SLC44A5: variants seen among roughly 807,000 people sequenced by gnomAD.
SLC44A5 encodes choline transporter-like protein 5.
In SLC44A5, 57 loss-of-function variants were observed where a neutral mutation model predicts 101.8. That is an observed-to-expected ratio of 0.56 (90% CI 0.45 to 0.70). The LOEUF (loss-of-function observed/expected upper bound fraction) is 0.70. SLC44A5 is among the 30% of genes least tolerant of loss of function. SLC44A5 has a pLI of 0.00. For missense variants in SLC44A5, 737 were observed against 853.1 expected (o/e 0.86, Z 1.70); for synonymous variants, 281 against 290.9 (o/e 0.97, Z 0.35).
intron 3 of SLC44A5, among the ~76,000 whole-genome samples, chr1:75,376,502 A>C (rs1660624977): frequency 6.6e-6 from 1 of 152,220 alleles, no homozygotes. Flanking sequence ...GAACGGGCAG[A>C]CTGCCTCCTC....
intron 2 of SLC44A5, among the ~76,000 whole-genome samples, chr1:75,507,119 T>C (rs922105698): frequency 2.6e-5 from 4 of 152,060 alleles, no homozygotes; most frequent in Non-Finnish European, 5.9e-5. Context: ...CTAAGTCTGA[T>C]AGTTCCTATT....
intron 5 of SLC44A5, among the ~76,000 whole-genome samples, chr1:75,290,257 G>A (rs1653428308): frequency 6.6e-6 from 1 of 152,184 alleles, no homozygotes; most frequent in African/African-American, 2.4e-5. Context: ...TCCCCTTGTA[G>A]GAAACAATGC....
At chr1:75,683,440 G>A in the SLC44A5 span, among the ~76,000 whole-genome samples, 2 of 151,664 alleles carry the variant, frequency 1.3e-5, no homozygotes, top group African/African-American at 2.4e-5. Flanking sequence ...AAAATGATGA[G>A]TTCATGTCCT....
chr1:75,483,525 A>G (rs182609236), intron 2 of SLC44A5, among the ~76,000 whole-genome samples: 25 of 152,320 alleles, frequency 1.6e-4, no homozygotes, highest in Non-Finnish European at 2.1e-4. Context: ...CCCTCGAATA[A>G]AAGAGTTGCT....
chr1:75,644,552 G>T, the SLC44A5 span, among the ~76,000 whole-genome samples: 1 of 151,312 alleles, frequency 6.6e-6, no homozygotes, highest in African/African-American at 2.4e-5. Context: ...CCATCACAGG[G>T]TTCATGGCTG....
At chr1:75,248,877 C>T (rs571978950) in intron 7 of SLC44A5, among the ~76,000 whole-genome samples, 1 of 152,134 alleles carries the variant, frequency 6.6e-6, no homozygotes, top group South Asian at 2.1e-4. Flanking sequence ...AATGTTTATA[C>T]AGGAGTGATT....
At chr1:75,296,387 T>C (rs1285451314) in intron 5 of SLC44A5, among the ~76,000 whole-genome samples, 1 of 148,776 alleles carries the variant, frequency 6.7e-6, no homozygotes, top group Non-Finnish European at 1.5e-5. Context: ...TTTTTAATAT[T>C]CCCTCCAAAT....
At chr1:75,288,105 CA>C (rs113330504) in intron 5 of SLC44A5, among the ~76,000 whole-genome samples, 1 of 151,336 alleles carries the variant, frequency 6.6e-6, no homozygotes, top group Non-Finnish European at 1.5e-5. Flanking sequence ...GCAGCAAGCC[CA>C]AAAAAAACTT....
intron 3 of SLC44A5, among the ~76,000 whole-genome samples, chr1:75,349,758 CAAT>C (rs1658504237): frequency 6.6e-6 from 1 of 151,624 alleles, no homozygotes; most frequent in African/African-American, 2.4e-5. Flanking sequence ...AAAATTATGG[CAAT>C]AATATAATAC....
At chr1:75,283,730 C>T (rs1652809200) in intron 5 of SLC44A5, among the ~76,000 whole-genome samples, 1 of 151,728 alleles carries the variant, frequency 6.6e-6, no homozygotes, top group Non-Finnish European at 1.5e-5. Flanking sequence ...ACCAATTATC[C>T]CAGCACCATT....
At chr1:75,642,097 T>G in the SLC44A5 span, 2 of 1,182,602 alleles carry the variant, frequency 1.7e-6, no homozygotes, top group South Asian at 2.7e-5. Flanking sequence ...TTTTTTATTT[T>G]ATTTGATGTA....
intron 1 of SLC44A5, among the ~76,000 whole-genome samples, chr1:75,596,380 G>A (rs1674637518): frequency 6.6e-6 from 1 of 152,148 alleles, no homozygotes; most frequent in Admixed American, 6.5e-5. Context: ...ACAAAGAAGA[G>A]CTGGTACCAT....
chr1:75,250,294 C>T (rs1289027041), intron 7 of SLC44A5, among the ~76,000 whole-genome samples: 1 of 152,076 alleles, frequency 6.6e-6, no homozygotes, highest in African/African-American at 2.4e-5. Context: ...AAGATAATGA[C>T]CACCAGCTCC....
intron 4 of SLC44A5, among the ~76,000 whole-genome samples, chr1:75,317,909 A>C (rs1245292684): frequency 6.6e-6 from 1 of 152,164 alleles, no homozygotes; most frequent in Non-Finnish European, 1.5e-5. Flanking sequence ...CACCTTGGGG[A>C]TTAAGGCTCC....
At chr1:75,649,862 G>A in the SLC44A5 span, among the ~76,000 whole-genome samples, 1 of 152,166 alleles carries the variant, frequency 6.6e-6, no homozygotes, top group Non-Finnish European at 1.5e-5. Flanking sequence ...CTAGTGACCT[G>A]CTCTCAATGC....
chr1:75,235,495 T>C (rs979056995), intron 11 of SLC44A5, among the ~76,000 whole-genome samples: 9 of 151,894 alleles, frequency 5.9e-5, no homozygotes, highest in African/African-American at 2.2e-4. Flanking sequence ...TCTAGTGACA[T>C]TTGGGTCTGA....
the SLC44A5 span, among the ~76,000 whole-genome samples, chr1:75,632,313 A>G: frequency 7.5e-6 from 1 of 132,516 alleles, no homozygotes; most frequent in African/African-American, 2.9e-5. Flanking sequence ...ATAAATATTG[A>G]AACAAATGCT....
At position 75,203,702 on chromosome 1, in the gene SLC44A5, G is replaced by C; in HGVS notation, c.*25C>G. 1 of 1,544,814 alleles carries C rather than the reference G, an allele frequency of 6.5e-7. No homozygotes were observed. Among genetic ancestry groups the C allele is most frequent in the South Asian group, 1.2e-5 (1 of 82,880 alleles). On this transcript the variant is annotated 3_prime_UTR_variant, in exon 24 of 24. Transcript: ENST00000370859. ...GCAGATGGAGAAAAGGTAACACACA[G>C]CTGTAGGACGACCAGTTTGCTCTTC...
chr1:75,268,233 T>A (rs1479075086), intron 6 of SLC44A5, among the ~76,000 whole-genome samples: 1 of 152,154 alleles, frequency 6.6e-6, no homozygotes, highest in Admixed American at 6.6e-5. Flanking sequence ...TGCCTCTGGC[T>A]TGAGTGCTCT....
Sources: allele counts gnomAD v4.1 joint callset (sites outside exome capture counted in the v4.1 genomes callset), GRCh38; gene constraint gnomAD v4.1.1; transcripts MANE v1.5; gene names NCBI Gene and HGNC (gene_info 2026-07-23, HGNC 2026-07-21).